ZNF407: variants seen among roughly 807,000 people sequenced by gnomAD.
ZNF407 encodes zinc finger protein 407.
Under a neutral mutation model 131.2 loss-of-function variants are expected in ZNF407, and 17 were observed. The ratio of observed to expected loss-of-function variants is 0.13; its 90% CI spans 0.09 to 0.19. The LOEUF is 0.19. Among genes scored for constraint, ZNF407 ranks in the 10% least tolerant of loss-of-function variants. ZNF407 has a pLI of 1.00. For synonymous variants in ZNF407, 1,156 were observed against 1,062.0 expected, an observed-to-expected ratio of 1.09 and a Z score of -1.72; for missense variants, 2,681 against 2,830.6, an observed-to-expected ratio of 0.95 and a Z score of 1.20.
chr18:75,043,638 G>A (rs1278230561), intron 8 of ZNF407, among the ~76,000 whole-genome samples: 1 of 152,192 alleles, frequency 6.6e-6, no homozygotes, highest in Non-Finnish European at 1.5e-5. Context: ...GGCACTGAAT[G>A]CAGTGTTCTG....
chr18:74,766,393 A>G (rs78574992), intron 3 of ZNF407, among the ~76,000 whole-genome samples: 2,616 of 152,268 alleles, frequency 0.017, 71 homozygotes, highest in African/African-American at 0.06. Flanking sequence ...CTGATGTAGA[A>G]GCTTTCCCAG....
At chr18:74,769,865 T>C (rs1969325597) in intron 3 of ZNF407, among the ~76,000 whole-genome samples, 1 of 152,218 alleles carries the variant, frequency 6.6e-6, no homozygotes, top group Non-Finnish European at 1.5e-5. Flanking sequence ...TGAAAAATAA[T>C]GCAGCAGACA....
chr18:74,734,051 C>T (rs1047608078), intron 3 of ZNF407, among the ~76,000 whole-genome samples: 2 of 152,120 alleles, frequency 1.3e-5, no homozygotes, highest in East Asian at 1.9e-4. Context: ...AGGCCCACAT[C>T]GGTTCATTCT....
intron 1 of ZNF407, among the ~76,000 whole-genome samples, chr18:74,606,196 A>G (rs934108019): frequency 4.6e-5 from 7 of 152,198 alleles, no homozygotes; most frequent in African/African-American, 1.7e-4. Context: ...TTTAATAGCT[A>G]CATGGTGATC....
intron 8 of ZNF407, among the ~76,000 whole-genome samples, chr18:74,990,768 ATGGG>A (rs1972708690): frequency 6.6e-6 from 1 of 152,218 alleles, no homozygotes; most frequent in Non-Finnish European, 1.5e-5. Flanking sequence ...TCTGATGTAT[ATGGG>A]TGGGATTTGT....
chr18:74,761,453 T>A (rs1969094148), intron 3 of ZNF407, among the ~76,000 whole-genome samples: 1 of 152,180 alleles, frequency 6.6e-6, no homozygotes, highest in South Asian at 2.1e-4. Flanking sequence ...GCACATTGTC[T>A]GAAAATATTT....
intron 3 of ZNF407, among the ~76,000 whole-genome samples, chr18:74,771,954 T>C (rs1423674828): frequency 1.3e-5 from 2 of 152,220 alleles, no homozygotes; most frequent in Non-Finnish European, 2.9e-5. Context: ...TGTAGTGGTT[T>C]TATTTTTGAA....
chr18:74,840,242 TG>T (rs1296464097), intron 4 of ZNF407, among the ~76,000 whole-genome samples: 9 of 152,124 alleles, frequency 5.9e-5, no homozygotes, highest in African/African-American at 2.2e-4. Flanking sequence ...CCATTCATGC[TG>T]GAAGATGCAG....
chr18:74,656,520 C>T (rs1290718627), intron 3 of ZNF407, among the ~76,000 whole-genome samples: 2 of 152,116 alleles, frequency 1.3e-5, no homozygotes, highest in African/African-American at 2.4e-5. Flanking sequence ...TTAGTCCTGT[C>T]CCCTCTGGCG....
At chr18:74,769,002 G>A (rs915721120) in intron 3 of ZNF407, among the ~76,000 whole-genome samples, 9 of 152,132 alleles carry the variant, frequency 5.9e-5, no homozygotes, top group Non-Finnish European at 7.4e-5. Context: ...GGTCATCGTC[G>A]TCATTGTCAT....
intron 1 of ZNF407, among the ~76,000 whole-genome samples, chr18:74,605,231 A>C (rs1221126186): frequency 6.8e-6 from 1 of 146,554 alleles, no homozygotes; most frequent in African/African-American, 2.5e-5. Flanking sequence ...CCAGCTACTT[A>C]GTGAGGTCTC....
chr18:74,802,240 A>G lies in ZNF407; in HGVS notation c.4877+20738A>G, dbSNP rs1208910038. ...ATGTTATGGGCATTATTCCATGTCA[A>G]TTTGTAAATGTGAGTTTACATAATT... is the stretch of plus-strand genomic sequence containing the variant. On this transcript the variant is annotated intron_variant, in intron 4 of 8. Transcript: ENST00000299687. Among the ~76,000 whole-genome samples, 5 of 152,206 alleles carry G rather than the reference A, an allele frequency of 3.3e-5. 1 individual carries two copies. The highest frequency in any genetic ancestry group is 9.6e-5 in the African/African-American group (4 of 41,462).
chr18:75,006,297 C>T (rs1972909778), intron 8 of ZNF407, among the ~76,000 whole-genome samples: 1 of 152,144 alleles, frequency 6.6e-6, no homozygotes, highest in Non-Finnish European at 1.5e-5. Context: ...CATTTCTACT[C>T]TTATGATTTA....
At chr18:74,654,553 A>G (rs1985366045) in intron 3 of ZNF407, among the ~76,000 whole-genome samples, 1 of 151,814 alleles carries the variant, frequency 6.6e-6, no homozygotes, top group African/African-American at 2.4e-5. Context: ...GTGTAGCTAC[A>G]TGATTTAAGA....
rs556687837 is a variant in ZNF407 at position 74,666,697 on chromosome 18, C to T, written c.4802+25575C>T. Among the ~76,000 whole-genome samples, 38 of 152,260 alleles carry T rather than the reference C, an allele frequency of 2.5e-4. No individual in the cohort carries two copies. The South Asian group carries it at 2.7e-3, about 11-fold the overall frequency. On this transcript the variant is annotated intron_variant, in intron 3 of 8. Transcript: ENST00000299687. Reference sequence around the variant, plus strand: ...TAGTTAGCTCTTGCTGGGTAACAAACTCCCACAAGCTGACAGCTTACCACG... The same window carrying T: ...TAGTTAGCTCTTGCTGGGTAACAAATTCCCACAAGCTGACAGCTTACCACG...
intron 8 of ZNF407, among the ~76,000 whole-genome samples, chr18:75,050,881 A>C (rs1421244699): frequency 2.6e-5 from 4 of 152,224 alleles, no homozygotes; most frequent in Non-Finnish European, 4.4e-5. Context: ...GTCCTGAGGA[A>C]TCAAACCCAA....
chr18:74,634,468 T>C lies in ZNF407; in HGVS notation c.3449T>C (p.Val1150Ala). Reference sequence around the variant, plus strand: ...CTCTGCGCTGCTGACTCTGTAGAAGTTGAGACTGAAGAAGAATCTAATTTC... The same window carrying C: ...CTCTGCGCTGCTGACTCTGTAGAAGCTGAGACTGAAGAAGAATCTAATTTC... ...KVLCAADSVE[V>A]ETEEESNFNE... Residue 1150 changes from valine (V) to alanine (A), a missense_variant, in exon 2 of 9, where the codon GTT becomes GCT. By Grantham distance (64) the Val-to-Ala change is moderately conservative. Transcript: ENST00000299687. 4.3e-6 allele frequency: 7 copies of C among 1,613,742 alleles called. No homozygotes were observed. The highest frequency in any genetic ancestry group is 5.9e-6 in the Non-Finnish European group (7 of 1,179,882).
At chr18:74,874,508 C>T (rs954831622) in intron 4 of ZNF407, among the ~76,000 whole-genome samples, 2 of 152,076 alleles carry the variant, frequency 1.3e-5, no homozygotes, top group East Asian at 2.0e-4. Flanking sequence ...GGGTGGCAGG[C>T]GAGGAAGAGT....
chr18:74,865,275 AAG>A lies in ZNF407; in HGVS notation c.4878-11916_4878-11915del, dbSNP rs539765637. ...ATTTCCATCTGAAAAATGTTTTAAA[AAG>A]AGAGACAGTAGCAATGTAAACAGTT... On this transcript the variant is annotated intron_variant, in intron 4 of 8. Coordinates refer to ENST00000299687, the MANE Select transcript of ZNF407 (RefSeq NM_017757.3). Among the ~76,000 whole-genome samples, 682 of 152,316 alleles carry A rather than the reference AAG, an allele frequency of 4.5e-3. 7 individuals carry two copies. The highest frequency in any genetic ancestry group is 0.016 in the African/African-American group (652 of 41,568).
Sources: allele counts gnomAD v4.1 joint callset (sites outside exome capture counted in the v4.1 genomes callset), GRCh38; gene constraint gnomAD v4.1.1; transcripts MANE v1.5; gene names NCBI Gene and HGNC (gene_info 2026-07-23, HGNC 2026-07-21).